ERCC8: variants seen among roughly 807,000 people sequenced by gnomAD.
The protein encoded by ERCC8 is ERCC excision repair 8, CSA ubiquitin ligase complex subunit, also known as DNA excision repair protein ERCC-8.
A neutral mutation model predicts 54.9 loss-of-function variants in ERCC8; 52 were observed. The ratio of observed to expected loss-of-function variants is 0.95; its 90% CI spans 0.76 to 1.19. ERCC8 has a LOEUF of 1.19. ERCC8 is among the 50% of genes most tolerant of loss of function. ERCC8 has a pLI of 0.00. For synonymous variants in ERCC8, 146 were observed against 157.2 expected (o/e 0.93, Z 0.53); for missense variants, 514 against 466.1 (o/e 1.10, Z -0.95).
chr5:60,945,003 C>T lies in ERCC8; in HGVS notation c.6G>A (p.Leu2=). The T allele has an allele frequency of 1.9e-6, 3 of 1,614,024 alleles. No individual in the cohort carries two copies. Among genetic ancestry groups the T allele is most frequent in the Non-Finnish European group, 2.5e-6 (3 of 1,179,886 alleles). M[L]GFLSARQTGL... The stretch of plus-strand genomic sequence containing the variant: ...CCGTTTGGCGTGCGGACAAAAACCC[C>T]AGCATATCGTGTCCTCACACCGGCT... The change falls in exon 1 of 12, where the codon CTG becomes CTA. Residue 2 remains leucine (L), a synonymous_variant. Transcript: ENST00000676185.
chr5:60,920,764 A>C (rs1749577941), intron 3 of ERCC8, among the ~76,000 whole-genome samples: 1 of 151,974 alleles, frequency 6.6e-6, no homozygotes, highest in Non-Finnish European at 1.5e-5. Context: ...TTACGCATTT[A>C]CTTATGTCAC....
chr5:60,939,632 C>T (rs942654059), intron 1 of ERCC8, among the ~76,000 whole-genome samples: 5 of 151,968 alleles, frequency 3.3e-5, no homozygotes, highest in Non-Finnish European at 7.4e-5. Context: ...TTACAGGCAC[C>T]TGCCACCGCA....
chr5:60,881,371 C>G (rs924457107), intron 11 of ERCC8, among the ~76,000 whole-genome samples: 1 of 152,168 alleles, frequency 6.6e-6, no homozygotes, highest in Non-Finnish European at 1.5e-5. Flanking sequence ...GGGAGAACCA[C>G]TATTCTCTTC....
chr5:60,886,201 C>T (rs1748385374), intron 11 of ERCC8, among the ~76,000 whole-genome samples: 1 of 151,878 alleles, frequency 6.6e-6, no homozygotes, highest in Non-Finnish European at 1.5e-5. Context: ...CCTCTATCTT[C>T]CTACTGCTTG....
At chr5:60,890,843 G>C (rs1561498269) in intron 10 of ERCC8, 46 bp downstream of exon 10, 2 of 1,397,902 alleles carry the variant, frequency 1.4e-6, no homozygotes, top group East Asian at 2.3e-5. Context: ...TAACTGGTCT[G>C]GCAAGCTAGC....
At chr5:60,912,802 G>A (rs1025690024) in intron 4 of ERCC8, among the ~76,000 whole-genome samples, 1 of 152,072 alleles carries the variant, frequency 6.6e-6, no homozygotes, top group Non-Finnish European at 1.5e-5. Context: ...TTGGCATGAA[G>A]GGCTGTTGCA....
At chr5:60,911,875 C>G (rs1360073051) in intron 4 of ERCC8, among the ~76,000 whole-genome samples, 3 of 152,084 alleles carry the variant, frequency 2.0e-5, no homozygotes, top group African/African-American at 7.2e-5. Context: ...TTGTTTTTGT[C>G]AGGTTTGTCA....
rs1748525384 is a variant in ERCC8, at chr5:60,890,902, T to G, written c.1028A>C (p.Gln343Pro). 6.2e-7 allele frequency: 1 copy of G among 1,612,972 alleles called. No individual in the cohort carries two copies. The highest frequency in any genetic ancestry group is 1.1e-5 in the South Asian group (1 of 91,056). Residue 343 changes from glutamine to proline, a missense_variant, in exon 10 of 12, where the codon CAG becomes CCG. By Grantham distance (76) the Gln-to-Pro change is moderately conservative (BLOSUM62 -1). Transcript: ENST00000676185. ...HYKTVDCCVFQSNFQELYSGS... is the reference protein window; with the variant it reads ...HYKTVDCCVFPSNFQELYSGS... ...TATCACTCTTACCTGGAAATTTGAC[T>G]GAAATACACAGCAGTCAACAGTTTT...
intron 9 of ERCC8, chr5:60,891,889 G>A: frequency 6.5e-6 from 3 of 462,576 alleles, no homozygotes; most frequent in Non-Finnish European, 1.3e-5. Context: ...CCGTCCCACT[G>A]GAACTGGTGC....
intron 11 of ERCC8, among the ~76,000 whole-genome samples, chr5:60,879,289 C>G (rs1036488541): frequency 6.6e-6 from 1 of 152,162 alleles, no homozygotes. Context: ...TTACTTCCAA[C>G]TATGTGGTCA....
Position 60,899,669 on chromosome 5 carries a change from G to C in ERCC8, c.676C>G (p.Leu226Val). The C allele has an allele frequency of 6.2e-7, 1 of 1,612,280 alleles. No homozygotes were observed. Among genetic ancestry groups the C allele is most frequent in the Non-Finnish European group, 8.5e-7 (1 of 1,178,924 alleles). The change falls in exon 8 of 12, where the codon CTT becomes GTT. Residue 226 changes from leucine to valine, a missense_variant. Leu to Val is a conservative substitution (Grantham distance 32, BLOSUM62 1). Coordinates refer to ENST00000676185, the MANE Select transcript of ERCC8 (RefSeq NM_000082.4). Reference sequence around the variant, plus strand: ...GACTTTTTCCCATTATGTTGATCAAGAGTAATCAAACATCCTGATGCTCTT... The same window carrying C: ...GACTTTTTCCCATTATGTTGATCAACAGTAATCAAACATCCTGATGCTCTT... ...VRRASGCLIT[L>V]DQHNGKKSQA...
Position 60,936,246 on chromosome 5 carries a change from A to C in ERCC8, c.78-7287T>G, listed in dbSNP as rs963545454. ...CTATTTTTTCCTGGTTTAATCTAGG[A>C]GGGTTGCGTATTTCCAGGAATTTAT... On this transcript the variant is annotated intron_variant, in intron 1 of 11. Coordinates refer to ENST00000676185, the MANE Select transcript of ERCC8 (RefSeq NM_000082.4). Among the ~76,000 whole-genome samples the C allele has an allele frequency of 9.2e-5, 14 of 152,026 alleles. 1 individual carries two copies. Among genetic ancestry groups the C allele is most frequent in the Admixed American group, 9.2e-4 (14 of 15,270 alleles).
At position 60,877,195 on chromosome 5, in the gene ERCC8, T is replaced by C. The variant is rs182006009; in HGVS notation, c.1123-2512A>G. On this transcript the variant is annotated intron_variant, in intron 11 of 11. Transcript: ENST00000676185. ...GTCAAAGATCAGATGGTTGTAGATA[T>C]GCAGCATTACTTCTGAGGGCTCTGC... 2.5e-3 allele frequency among the ~76,000 whole-genome samples: 383 copies of C among 152,344 alleles called. 3 individuals are homozygous for C. The highest frequency in any genetic ancestry group is 9.0e-3 in the African/African-American group (373 of 41,580).
chr5:60,942,884 T>G (rs890731918), intron 1 of ERCC8, among the ~76,000 whole-genome samples: 3 of 152,162 alleles, frequency 2.0e-5, no homozygotes, highest in Non-Finnish European at 2.9e-5. Flanking sequence ...TGCTCTTACA[T>G]GATGACAAGG....
chr5:60,931,273 G>T (rs1749901663), intron 1 of ERCC8, among the ~76,000 whole-genome samples: 1 of 152,040 alleles, frequency 6.6e-6, no homozygotes, highest in Non-Finnish European at 1.5e-5. Context: ...CTAATATTTG[G>T]CTGAGCCGCA....
Position 60,887,464 on chromosome 5 carries a change from A to C in ERCC8, c.1098T>G (p.Tyr366Ter). 1 of 1,613,666 alleles carries C rather than the reference A, an allele frequency of 6.2e-7. No homozygotes were observed. The highest frequency in any genetic ancestry group is 8.5e-7 in the Non-Finnish European group (1 of 1,179,586). Residue 366 changes from tyrosine (Y) to a stop codon, truncating the protein, a stop_gained, in exon 11 of 12, where the codon TAT becomes TAG. Transcript: ENST00000676185. LOFTEE classifies it high-confidence loss of function. ...CCTCATCATCATCAGGAACTGGTTC[A>C]TATAAGGATGGAACCCAAGCCAGAA... ...CNILAWVPSL[Y>*]EPVPDDDETT...
At chr5:60,897,577 TAA>T (rs1748757347) in intron 9 of ERCC8, among the ~76,000 whole-genome samples, 1 of 152,180 alleles carries the variant, frequency 6.6e-6, no homozygotes, top group South Asian at 2.1e-4. Flanking sequence ...GCATATCTGA[TAA>T]GACTATAACC....
At chr5:60,896,341 C>G (rs567367692) in intron 9 of ERCC8, among the ~76,000 whole-genome samples, 1 of 152,110 alleles carries the variant, frequency 6.6e-6, no homozygotes, top group African/African-American at 2.4e-5. Flanking sequence ...GTCAGCCTCC[C>G]GAGTAGCTGG....
Position 60,874,436 on chromosome 5 carries a change from A to G in ERCC8, c.*179T>C, listed in dbSNP as rs1249929887. 1 of 605,954 alleles carries G rather than the reference A, an allele frequency of 1.7e-6. No individual in the cohort carries two copies. The highest frequency in any genetic ancestry group is 2.9e-6 in the Non-Finnish European group (1 of 344,602). 37.5% of individuals were successfully genotyped at this position (605,954 alleles called of 1,614,324 possible). A position where few individuals can be genotyped will look rare whatever the true frequency, so the allele number is the denominator to read the frequency against. ...CAAGGAACACATTTTGACTAAATAA[A>G]CTATACAGAAGTCTGTTTTAGGATT... On this transcript the variant is annotated 3_prime_UTR_variant, in exon 12 of 12. Coordinates refer to ENST00000676185, the MANE Select transcript of ERCC8 (RefSeq NM_000082.4).
Sources: gnomAD v4.1 joint callset for allele counts (sites outside exome capture counted in the v4.1 genomes callset) on GRCh38, gnomAD v4.1.1 for gene constraint, MANE v1.5 for transcripts, NCBI Gene and HGNC (gene_info 2026-07-23, HGNC 2026-07-21) for gene names.